SPATA2L: variants seen among roughly 807,000 people sequenced by gnomAD.
SPATA2L encodes the protein spermatogenesis associated 2 like.
Under a neutral mutation model 8.7 loss-of-function variants are expected in SPATA2L, and 5 were observed. The ratio of observed to expected loss-of-function variants is 0.57; its 90% CI spans 0.30 to 1.21. The LOEUF is 1.21. Ranked by LOEUF, SPATA2L falls within the 50% of genes most tolerant of loss-of-function variation. SPATA2L has a pLI of 0.07. For synonymous variants in SPATA2L, 358 were observed against 275.8 expected (o/e 1.30, Z -2.95); for missense variants, 671 against 591.0 (o/e 1.14, Z -1.40).
In SPATA2L at chr16:89,697,218, G is replaced by A. The variant is rs2060736607; in HGVS notation, c.*116C>T. 3.6e-6 allele frequency: 5 copies of A among 1,393,308 alleles called. No individual in the cohort carries two copies. Among genetic ancestry groups the A allele is most frequent in the Non-Finnish European group, 4.6e-6 (5 of 1,077,134 alleles). The allele number at this position is 1,393,308 out of a possible 1,614,324, so 86.3% of individuals were successfully genotyped here. ...GTTGGCCTGGACTCTCCAACCCCCT[G>A]CTGTGCCCAGGACTCCCCCAGGGAC... On this transcript the variant is annotated 3_prime_UTR_variant, in exon 3 of 3. Coordinates refer to ENST00000289805, the MANE Select transcript of SPATA2L (RefSeq NM_152339.4).
chr16:89,701,311 C>T (rs2060774540), intron 1 of SPATA2L, 78 bp from the exon 2 acceptor site: 2 of 1,327,320 alleles, frequency 1.5e-6, no homozygotes, highest in Admixed American at 7.8e-5. Context: ...AACCCTCACC[C>T]AGCGTCCCCA....
At position 89,698,423 on chromosome 16, in the gene SPATA2L, C is replaced by T. The variant is rs555126992; in HGVS notation, c.304-118G>A. 18 of 1,099,742 alleles carry T rather than the reference C, an allele frequency of 1.6e-5. No individual in the cohort carries two copies. In the African/African-American group the frequency reaches 2.7e-4, roughly 17 times the overall value. The allele number at this position is 1,099,742 out of a possible 1,614,324, so 68.1% of individuals were successfully genotyped here. On this transcript the variant is annotated intron_variant, in intron 2 of 2. Coordinates refer to ENST00000289805, the MANE Select transcript of SPATA2L (RefSeq NM_152339.4). ...GGCAGCTTCTGATGCTCAGACCCAA[C>T]CCCAGAGACTAGGCTTAGCCAGCTT...
In SPATA2L at chr16:89,697,192, G is replaced by T. The variant is rs1158169050; in HGVS notation, c.*142C>A. The T allele has an allele frequency of 2.2e-6, 3 of 1,377,884 alleles. No homozygotes were observed. The highest frequency in any genetic ancestry group is 2.9e-5 in the African/African-American group (2 of 68,612). 85.4% of individuals were successfully genotyped at this position (1,377,884 alleles called of 1,614,324 possible). A position where few individuals can be genotyped will look rare whatever the true frequency, so the allele number is the denominator to read the frequency against. On this transcript the variant is annotated 3_prime_UTR_variant, in exon 3 of 3. Coordinates refer to ENST00000289805, the MANE Select transcript of SPATA2L (RefSeq NM_152339.4). ...TACAGAGAGTCCCACCTCCAGCAAG[G>T]GTTGGCCTGGACTCTCCAACCCCCT...
rs776508014 is a variant in SPATA2L at position 89,698,182 on chromosome 16, G to C, written c.427C>G (p.Pro143Ala). 6.2e-7 allele frequency: 1 copy of C among 1,612,878 alleles called. No individual in the cohort carries two copies. The highest frequency in any genetic ancestry group is 1.1e-5 in the South Asian group (1 of 91,044). Residue 143 changes from proline to alanine, a missense_variant, in exon 3 of 3, where the codon CCC (proline) becomes GCC (alanine). By Grantham distance (27) the Pro-to-Ala change is conservative. Transcript: ENST00000289805. ...ACCTGCACCAGCTGGCAGGCGGGGGGCAGGGCGGTCACCATGAGCCGATGG... is the reference window on the plus strand; with the variant it reads ...ACCTGCACCAGCTGGCAGGCGGGGGCCAGGGCGGTCACCATGAGCCGATGG... ...DSHRLMVTAL[P>A]PACQLVQVAL...
chr16:89,700,240 T>G (rs1013540622), intron 2 of SPATA2L, among the ~76,000 whole-genome samples: 1 of 152,204 alleles, frequency 6.6e-6, no homozygotes, highest in Non-Finnish European at 1.5e-5. Context: ...CTCTCATGAA[T>G]GAAAGTCCTG....
chr16:89,698,270 A>T lies in SPATA2L; in HGVS notation c.339T>A (p.Gly113=), dbSNP rs1203124464. 1 of 1,589,526 alleles carries T rather than the reference A, an allele frequency of 6.3e-7. No homozygotes were observed. The highest frequency in any genetic ancestry group is 1.7e-5 in the Admixed American group (1 of 57,806). ...FSGGYVHVLK[G]VLSDDLLLKS... ...TCAGGAGGAGGTCGTCTGAGAGCAC[A>T]CCCTTCAGCACGTGCACGTAGCCCC... is the stretch of plus-strand genomic sequence containing the variant. The change falls in exon 3 of 3, where the codon GGT becomes GGA. Residue 113 remains glycine (G), a synonymous_variant. Transcript: ENST00000289805.
At chr16:89,699,716 C>T (rs2060762959) in intron 2 of SPATA2L, among the ~76,000 whole-genome samples, 1 of 152,076 alleles carries the variant, frequency 6.6e-6, no homozygotes, top group Non-Finnish European at 1.5e-5. Context: ...ACACCCAGCT[C>T]ATTTTTGTAT....
At position 89,697,786 on chromosome 16, in the gene SPATA2L, C is replaced by G; in HGVS notation, c.823G>C (p.Gly275Arg). Residue 275 changes from glycine (G) to arginine (R), a missense_variant, in exon 3 of 3, where the codon GGC becomes CGC. Physicochemically the swap from Gly to Arg is moderately radical, Grantham distance 125 (BLOSUM62 -2). Coordinates refer to ENST00000289805, the MANE Select transcript of SPATA2L (RefSeq NM_152339.4). ...TCAGCTGGGGGCTCCCAGGCCCGGC[C>G]CCCAGTGCCCCACAGTTTGGCACTC... is the stretch of plus-strand genomic sequence containing the variant. ...EQSAKLWGTG[G>R]RAWEPPAEEL... 6.3e-7 allele frequency: 1 copy of G among 1,599,940 alleles called. No individual in the cohort carries two copies. Among genetic ancestry groups the G allele is most frequent in the Non-Finnish European group, 8.5e-7 (1 of 1,174,512 alleles).
chr16:89,698,390 C>G lies in SPATA2L; in HGVS notation c.304-85G>C, dbSNP rs536990571. On this transcript the variant is annotated intron_variant, in intron 2 of 2. Coordinates refer to ENST00000289805, the MANE Select transcript of SPATA2L (RefSeq NM_152339.4). The stretch of plus-strand genomic sequence containing the variant: ...ACAGTGGGTCCGGGATCTGTTGGCT[C>G]AGGCCTTGGCAGCTTCTGATGCTCA... 2.4e-5 allele frequency: 34 copies of G among 1,436,386 alleles called. 1 individual carries two copies. The East Asian group carries it at 3.5e-4, about 15-fold the overall frequency. The allele number at this position is 1,436,386 out of a possible 1,614,324, so 89.0% of individuals were successfully genotyped here.
Position 89,701,146 on chromosome 16 carries a change from G to A in SPATA2L, c.87C>T (p.Pro29=), listed in dbSNP as rs1272765501. The A allele has an allele frequency of 6.6e-7, 1 of 1,521,620 alleles. No individual in the cohort carries two copies. Among genetic ancestry groups the A allele is most frequent in the Admixed American group, 2.0e-5 (1 of 50,302 alleles). 94.3% of individuals were successfully genotyped at this position (1,521,620 alleles called of 1,614,324 possible). A position where few individuals can be genotyped will look rare whatever the true frequency, so the allele number is the denominator to read the frequency against. ...TCTGCCAGAGCACCGCGCGCAGCGA[G>A]GGGTCCCCGCACACGCCCGCGCGGC... The part of the protein sequence containing the change: ...RRGRAGVCGD[P]SLRAVLWQIL... The change falls in exon 2 of 3, where the codon CCC becomes CCT. Residue 29 remains proline (P), a synonymous_variant. Transcript: ENST00000289805.
Position 89,696,975 on chromosome 16 carries a change from G to T in SPATA2L, c.*359C>A, listed in dbSNP as rs1421477616. 2 of 1,467,120 alleles carry T rather than the reference G, an allele frequency of 1.4e-6. No individual in the cohort carries two copies. The highest frequency in any genetic ancestry group is 9.0e-7 in the Non-Finnish European group (1 of 1,107,154). 90.9% of individuals were successfully genotyped at this position (1,467,120 alleles called of 1,614,324 possible). A position where few individuals can be genotyped will look rare whatever the true frequency, so the allele number is the denominator to read the frequency against. ...AGTCCTGAGCCCCGTACTCCGTACT[G>T]CAGGGAGCAGGCCAGGAGCCACGGG... On this transcript the variant is annotated 3_prime_UTR_variant, in exon 3 of 3. Transcript: ENST00000289805.
Position 89,697,897 on chromosome 16 carries a change from C to T in SPATA2L, c.712G>A (p.Glu238Lys). ...GGCTCCCCATACAGGCTGGCGTCCT[C>T]CGACCCCTCGTCTTCCTGCAAGTCC... ...YRDLQEDEGS[E>K]DASLYGEPSP... The change falls in exon 3 of 3, where the codon GAG becomes AAG. Residue 238 changes from glutamate to lysine, a missense_variant. Coordinates refer to ENST00000289805, the MANE Select transcript of SPATA2L (RefSeq NM_152339.4). 1 of 1,611,702 alleles carries T rather than the reference C, an allele frequency of 6.2e-7. No homozygotes were observed. The highest frequency in any genetic ancestry group is 8.5e-7 in the Non-Finnish European group (1 of 1,179,614).
intron 2 of SPATA2L, among the ~76,000 whole-genome samples, chr16:89,698,766 C>G (rs917588807): frequency 6.6e-6 from 1 of 150,936 alleles, no homozygotes; most frequent in South Asian, 2.1e-4. Context: ...GGATTACAAG[C>G]GTGAGCCACT....
At position 89,696,880 on chromosome 16, in the gene SPATA2L, G is replaced by A; in HGVS notation, c.*454C>T. The A allele has an allele frequency of 6.5e-7, 1 of 1,534,606 alleles. No individual in the cohort carries two copies. Among genetic ancestry groups the A allele is most frequent in the Non-Finnish European group, 8.7e-7 (1 of 1,146,000 alleles). ...TCCAGCAGAGCTTGGGGTGGGGGGA[G>A]CTCGGTGTCACCAACAGGCCCTTGA... On this transcript the variant is annotated 3_prime_UTR_variant, in exon 3 of 3. Transcript: ENST00000289805.
Position 89,701,215 on chromosome 16 carries a change from C to A in SPATA2L, c.18G>T (p.Leu6=), listed in dbSNP as rs1480899614. 2 of 1,443,200 alleles carry A rather than the reference C, an allele frequency of 1.4e-6. No individual in the cohort carries two copies. The highest frequency in any genetic ancestry group is 9.1e-7 in the Non-Finnish European group (1 of 1,098,104). 89.4% of individuals were successfully genotyped at this position (1,443,200 alleles called of 1,614,324 possible). Residue 6 remains leucine, a synonymous_variant, in exon 2 of 3, where the codon CTG becomes CTT. Coordinates refer to ENST00000289805, the MANE Select transcript of SPATA2L (RefSeq NM_152339.4). The stretch of plus-strand genomic sequence containing the variant: ...CCAGGCACTGGCGGTAGTCCTCGGA[C>A]AGCGAGCTGCTGCCCATCCTGCGGC... MGSSS[L]SEDYRQCLER... is the part of the protein sequence containing the mutation.
Position 89,696,426 on chromosome 16 carries a change from G to C in SPATA2L, c.*908C>G, listed in dbSNP as rs549778751. The C allele has an allele frequency of 2.0e-3, 546 of 276,140 alleles. No homozygotes were observed. The highest frequency in any genetic ancestry group is 3.0e-3 in the Non-Finnish European group (434 of 145,304). 17.1% of individuals were successfully genotyped at this position (276,140 alleles called of 1,614,324 possible). On this transcript the variant is annotated 3_prime_UTR_variant, in exon 3 of 3. Transcript: ENST00000289805. ...TGAGTGTTCTGGGGAGGAGGGGGTG[G>C]GGCGGAGGGTCAGGAAAGCAGGCTC...
chr16:89,697,123 T>C lies in SPATA2L; in HGVS notation c.*211A>G. ...CGAGGGTGGGGAAATGTGGAAAGGC[T>C]CCTGCTGGCCGGCTTAGGCCTGCTG... On this transcript the variant is annotated 3_prime_UTR_variant, in exon 3 of 3. Coordinates refer to ENST00000289805, the MANE Select transcript of SPATA2L (RefSeq NM_152339.4). The C allele has an allele frequency of 1.5e-6, 2 of 1,376,550 alleles. No individual in the cohort carries two copies. Among genetic ancestry groups the C allele is most frequent in the African/African-American group, 1.5e-5 (1 of 68,642 alleles). 85.3% of individuals were successfully genotyped at this position (1,376,550 alleles called of 1,614,324 possible).
In SPATA2L at chr16:89,696,555, G is replaced by A. The variant is rs897441220; in HGVS notation, c.*779C>T. On this transcript the variant is annotated 3_prime_UTR_variant, in exon 3 of 3. Transcript: ENST00000289805. ...GAGGGTAGGGCAGAGGCACCTCCTC[G>A]CCAGCCTGTGGGCTGCACCCACAGG... 2.0e-5 allele frequency: 9 copies of A among 460,624 alleles called. No individual in the cohort carries two copies. Among genetic ancestry groups the A allele is most frequent in the East Asian group, 1.0e-4 (3 of 28,708 alleles). The allele number at this position is 460,624 out of a possible 1,614,324, so 28.5% of individuals were successfully genotyped here.
At chr16:89,699,684 G>A (rs1326570350) in intron 2 of SPATA2L, among the ~76,000 whole-genome samples, 1 of 152,022 alleles carries the variant, frequency 6.6e-6, no homozygotes, top group African/African-American at 2.4e-5. Flanking sequence ...CTGAGTAGCT[G>A]GGATTACAGG....
Sources: allele counts gnomAD v4.1 joint callset (sites outside exome capture counted in the v4.1 genomes callset), GRCh38; gene constraint gnomAD v4.1.1; transcripts MANE v1.5; gene names NCBI Gene and HGNC (gene_info 2026-07-23, HGNC 2026-07-21).